The following KCNMB3 variants were observed in gnomAD, a reference collection of about 807,000 sequenced individuals.
The protein encoded by KCNMB3 is calcium-activated potassium channel subunit beta-3.
In KCNMB3, 18 loss-of-function variants were observed where a neutral mutation model predicts 11.9. The ratio of observed to expected loss-of-function variants is 1.51; its 90% confidence interval spans 1.04 to 2.23. The LOEUF is 2.23. Among genes scored for constraint, KCNMB3 ranks in the 30% most tolerant of loss-of-function variants. The pLI is 0.00. For synonymous variants in KCNMB3, 78 were observed against 119.2 expected (o/e 0.65, Z 2.25); for missense variants, 247 against 329.4 (o/e 0.75, Z 1.94).
intron 1 of KCNMB3, among the ~76,000 whole-genome samples, chr3:179,245,607 C>A (rs1303004318): frequency 3.3e-5 from 5 of 152,004 alleles, no homozygotes; most frequent in Non-Finnish European, 2.9e-5. Context: ...TCAAGCGATT[C>A]GCCTGCCTCA....
chr3:179,251,271 C>T (rs1725834922), upstream of KCNMB3: 1 of 1,454,396 alleles, frequency 6.9e-7, no homozygotes, highest in Non-Finnish European at 9.0e-7. Flanking sequence ...AGGGATATTG[C>T]ACGTCCCTCC....
intron 1 of KCNMB3, among the ~76,000 whole-genome samples, chr3:179,263,067 T>C (rs968410513): frequency 2.0e-5 from 3 of 152,324 alleles, no homozygotes; most frequent in Middle Eastern, 3.4e-3. Context: ...CCTCAGACCT[T>C]GAGTGGTGGA....
chr3:179,266,255 G>T (rs1383965511), intron 1 of KCNMB3, among the ~76,000 whole-genome samples: 2 of 151,964 alleles, frequency 1.3e-5, no homozygotes, highest in African/African-American at 4.8e-5. Flanking sequence ...TAAGTGGTGA[G>T]CTGGGTTTGA....
Position 179,242,990 on chromosome 3 carries a change from C to T in KCNMB3, c.742G>A (p.Val248Ile). 6.2e-7 allele frequency: 1 copy of T among 1,604,856 alleles called. No individual in the cohort carries two copies. Among genetic ancestry groups the T allele is most frequent in the Non-Finnish European group, 8.5e-7 (1 of 1,176,568 alleles). ...EKYSTVVRDE[V>I]GGKVPYIEQH... ...TCTATATAAGGTACTTTTCCACCTA[C>T]CTCATCTCTGACTACAGTGCTATAT... The change falls in exon 3 of 3, where the codon GTA (valine) becomes ATA (isoleucine). Residue 248 changes from valine (V) to isoleucine (I), a missense_variant. This residue lies in a region of KCNMB3 where 87 missense variants were observed against 171.9 expected (regional missense o/e 0.51). Transcript: ENST00000392685.
chr3:179,260,163 G>A (rs1364297346), intron 1 of KCNMB3: 23 of 1,610,730 alleles, frequency 1.4e-5, no homozygotes, highest in East Asian at 1.1e-4. Context: ...CTGAGTCACC[G>A]CTGCCTCTCC....
chr3:179,266,914 C>A, exon 1 of KCNMB3: 1 of 1,414,052 alleles, frequency 7.1e-7, no homozygotes, highest in South Asian at 1.6e-5. Flanking sequence ...CTGCAGACTC[C>A]TGGCAAGGCG....
At chr3:179,259,211 T>C in intron 1 of KCNMB3, 2 of 1,539,878 alleles carry the variant, frequency 1.3e-6, no homozygotes, top group Non-Finnish European at 1.7e-6. Flanking sequence ...TCTCTGTACT[T>C]TCTGCTTCAC....
intron 1 of KCNMB3, chr3:179,260,695 C>A: frequency 1.4e-6 from 2 of 1,395,434 alleles, no homozygotes; most frequent in Non-Finnish European, 2.0e-6. Context: ...TTCCATGTTT[C>A]TCGAGCATTT....
Position 179,250,775 on chromosome 3 carries a change from G to A in KCNMB3, c.216C>T (p.Leu72=), listed in dbSNP as rs745820726. The A allele has an allele frequency of 2.7e-5, 44 of 1,613,994 alleles. No individual in the cohort carries two copies. Among genetic ancestry groups the A allele is most frequent in the African/African-American group, 1.2e-4 (9 of 74,886 alleles). The change falls in exon 1 of 3, where the codon CTC becomes CTT. Residue 72 remains leucine, a synonymous_variant. Transcript: ENST00000392685. ...MGFSVLMFFL[L]GTTILKPFML... is the part of the protein sequence containing the mutation. ...TAAAAGGCTTTAGAATGGTTGTTCC[G>A]AGCAAGAAGAACATTAGGACTGAGA...
intron 2 of KCNMB3, 118 bp from the exon 3 acceptor site, chr3:179,243,402 G>C: frequency 1.5e-6 from 1 of 680,892 alleles, no homozygotes; most frequent in Non-Finnish European, 2.6e-6. Flanking sequence ...TTCAATCTTA[G>C]AAGGTGGTAA....
chr3:179,264,596 G>C (rs1004765540), intron 1 of KCNMB3, among the ~76,000 whole-genome samples: 1 of 152,150 alleles, frequency 6.6e-6, no homozygotes, highest in African/African-American at 2.4e-5. Flanking sequence ...ACGACACATG[G>C]CTACAGGCAG....
chr3:179,241,011 A>C (rs983324296), downstream of KCNMB3: 33 of 152,256 alleles, frequency 2.2e-4, no homozygotes, highest in African/African-American at 7.7e-4. Context: ...CTGGGCCTTA[A>C]ATGCGTATCA....
exon 1 of KCNMB3, chr3:179,266,691 G>C (rs1383651108): frequency 6.2e-7 from 1 of 1,614,076 alleles, no homozygotes; most frequent in Non-Finnish European, 8.5e-7. Flanking sequence ...GATTTGCACG[G>C]GGATGCTGAA....
Position 179,244,688 on chromosome 3 carries a change from T to G in KCNMB3, c.254A>C (p.Gln85Pro). 1 of 1,603,816 alleles carries G rather than the reference T, an allele frequency of 6.2e-7. No homozygotes were observed. The highest frequency in any genetic ancestry group is 8.5e-7 in the Non-Finnish European group (1 of 1,177,408). The change falls in exon 2 of 3, where the codon CAG becomes CCG. Residue 85 changes from glutamine (Q) to proline (P), a missense_variant. By Grantham distance (76) the Gln-to-Pro change is moderately conservative. Transcript: ENST00000392685. ...GGCAGTGCAGGTCGATTCTTCTCTC[T>G]GAATGCTTCAATTTGAAAAAAAAAA... ...TILKPFMLSI[Q>P]REESTCTAIH...
At chr3:179,243,338 C>T in intron 2 of KCNMB3, 54 bp from the exon 3 acceptor site, 4 of 1,550,474 alleles carry the variant, frequency 2.6e-6, no homozygotes, top group Non-Finnish European at 3.5e-6. Context: ...ATACCAAATA[C>T]TTAACAGTTT....
At chr3:179,242,363 C>T (rs1725484684), downstream of KCNMB3, 1 of 151,402 alleles carries the variant, frequency 6.6e-6, no homozygotes, top group South Asian at 2.1e-4. Flanking sequence ...CCACTGTGCT[C>T]CAGCCTGGGC....
downstream of KCNMB3, chr3:179,242,262 G>T (rs892008968): frequency 1.3e-5 from 2 of 152,266 alleles, no homozygotes; most frequent in African/African-American, 4.8e-5. Flanking sequence ...GGGCGTGGTG[G>T]TGCACACCTG....
chr3:179,240,193 A>C, downstream of KCNMB3: 2 of 600,272 alleles, frequency 3.3e-6, no homozygotes, highest in East Asian at 5.9e-5. Flanking sequence ...TGTTGCTAAT[A>C]ATCAAAATTT....
At chr3:179,259,433 T>C (rs1161182975) in intron 1 of KCNMB3, 3 of 1,610,532 alleles carry the variant, frequency 1.9e-6, no homozygotes, top group Non-Finnish European at 2.5e-6. Context: ...CTCTACCAGC[T>C]AGTACCTCCT....
Sources: gnomAD v4.1 joint callset for allele counts (sites outside exome capture counted in the v4.1 genomes callset) on GRCh38, gnomAD v4.1.1 for gene constraint, gnomAD v4.1.1 regional missense constraint, MANE v1.5 for transcripts, NCBI Gene and HGNC (gene_info 2026-07-23, HGNC 2026-07-21) for gene names.